Variants in KIAA1549L observed in about 807,000 individuals in gnomAD.
The protein encoded by KIAA1549L is UPF0606 protein KIAA1549L.
KIAA1549L carries 88 observed loss-of-function variants against 160.7 expected under a neutral mutation model. That is an observed-to-expected ratio of 0.55 (90% CI 0.46 to 0.65). The LOEUF (loss-of-function observed/expected upper bound fraction) is 0.65. KIAA1549L is among the 30% of genes least tolerant of loss of function. The pLI is 0.00. For synonymous variants in KIAA1549L, 950 were observed against 976.7 expected (o/e 0.97, Z 0.51); for missense variants, 2,258 against 2,437.5 (o/e 0.93, Z 1.55).
At chr11:33,436,725 A>C (rs1851388495) in intron 1 of KIAA1549L, among the ~76,000 whole-genome samples, 1 of 152,242 alleles carries the variant, frequency 6.6e-6, no homozygotes, top group Non-Finnish European at 1.5e-5. Flanking sequence ...TGGAGGCTGA[A>C]CCCAAGCAAG....
chr11:33,457,221 A>G (rs1345564246), intron 1 of KIAA1549L, among the ~76,000 whole-genome samples: 1 of 152,158 alleles, frequency 6.6e-6, no homozygotes, highest in Non-Finnish European at 1.5e-5. Context: ...CTCTGCAGAA[A>G]TGTCTTGGAC....
chr11:33,527,942 G>C (rs1273570465), intron 1 of KIAA1549L, among the ~76,000 whole-genome samples: 1 of 152,078 alleles, frequency 6.6e-6, no homozygotes, highest in Non-Finnish European at 1.5e-5. Context: ...TTGAATCATG[G>C]GGGCGAGCCT....
At chr11:33,435,476 G>A (rs939468438) in intron 1 of KIAA1549L, among the ~76,000 whole-genome samples, 3 of 151,876 alleles carry the variant, frequency 2.0e-5, no homozygotes, top group Admixed American at 6.6e-5. Context: ...AATCACACAT[G>A]TATTATAGTA....
chr11:33,457,751 T>C (rs1476668623), intron 1 of KIAA1549L, among the ~76,000 whole-genome samples: 2 of 152,182 alleles, frequency 1.3e-5, no homozygotes, highest in African/African-American at 4.8e-5. Context: ...TGGTGATGTC[T>C]TCTGACCTAG....
At position 33,674,033 on chromosome 11, in the gene KIAA1549L, A is replaced by G. The variant is rs2133481815; in HGVS notation, c.*5879A>G. ...TGTACGTCCTTAGCCTCTGCCGGGA[A>G]CAGAGTGTTCATATGCTGTTAGAAT... On this transcript the variant is annotated 3_prime_UTR_variant, in exon 21 of 21. Coordinates refer to ENST00000658780, the MANE Select transcript of KIAA1549L (RefSeq NM_012194.3). 1 of 152,348 alleles carries G rather than the reference A, an allele frequency of 6.6e-6. No homozygotes were observed. Among genetic ancestry groups the G allele is most frequent in the Non-Finnish European group, 1.5e-5 (1 of 68,034 alleles). 9.4% of individuals were successfully genotyped at this position (152,348 alleles called of 1,614,324 possible).
chr11:33,468,345 T>C (rs1395651638), intron 1 of KIAA1549L, among the ~76,000 whole-genome samples: 1 of 152,132 alleles, frequency 6.6e-6, no homozygotes, highest in Non-Finnish European at 1.5e-5. Flanking sequence ...TCTCTAAGGG[T>C]GTCACAAAGT....
chr11:33,537,630 C>T (rs1317625018), intron 1 of KIAA1549L, among the ~76,000 whole-genome samples: 2 of 152,122 alleles, frequency 1.3e-5, no homozygotes, highest in Non-Finnish European at 2.9e-5. Context: ...CTCTTTATAC[C>T]TTCTTCCCAC....
intron 10 of KIAA1549L, 146 bp downstream of exon 10, chr11:33,575,019 C>T: frequency 1.4e-6 from 1 of 711,204 alleles, no homozygotes; most frequent in African/African-American, 1.8e-5. Flanking sequence ...AGCTATGTTT[C>T]TGTGTTGTTT....
At chr11:33,516,405 C>T (rs1853344835) in intron 1 of KIAA1549L, among the ~76,000 whole-genome samples, 1 of 15,368 alleles carries the variant, frequency 6.5e-5, no homozygotes, top group South Asian at 1.4e-3. Context: ...CCCGCCTCGG[C>T]CTCCCAAAGT....
intron 1 of KIAA1549L, among the ~76,000 whole-genome samples, chr11:33,518,362 G>A (rs768530261): frequency 2.6e-5 from 4 of 152,090 alleles, no homozygotes; most frequent in African/African-American, 4.8e-5. Flanking sequence ...GGAGCATGTC[G>A]GGGAATTGCA....
chr11:33,387,517 T>C (rs1215991812), intron 1 of KIAA1549L, among the ~76,000 whole-genome samples: 2 of 152,064 alleles, frequency 1.3e-5, no homozygotes, highest in Admixed American at 1.3e-4. Flanking sequence ...TGTTGGCCAG[T>C]CTGGTCTCGA....
intron 8 of KIAA1549L, among the ~76,000 whole-genome samples, chr11:33,567,596 G>A (rs979899445): frequency 1.2e-4 from 19 of 152,190 alleles, no homozygotes; most frequent in Non-Finnish European, 2.5e-4. Context: ...CTCAAGCTGG[G>A]ACAAGGCAAA....
chr11:33,583,032 C>T (rs1421601968), intron 10 of KIAA1549L, among the ~76,000 whole-genome samples: 1 of 152,184 alleles, frequency 6.6e-6, no homozygotes, highest in Non-Finnish European at 1.5e-5. Flanking sequence ...ACTGATCCAT[C>T]TTTTTCTCCT....
At chr11:33,664,910 G>A (rs1852389058) in intron 20 of KIAA1549L, among the ~76,000 whole-genome samples, 1 of 152,222 alleles carries the variant, frequency 6.6e-6, no homozygotes, top group Non-Finnish European at 1.5e-5. Flanking sequence ...GGAACAGGCT[G>A]TATTTCTCAG....
chr11:33,559,570 C>T (rs1198648515), intron 6 of KIAA1549L, among the ~76,000 whole-genome samples, 179 bp from the exon 7 acceptor site: 1 of 152,180 alleles, frequency 6.6e-6, no homozygotes, highest in African/African-American at 2.4e-5. Context: ...CCCTGCCTGG[C>T]ACACAGCAAG....
intron 16 of KIAA1549L, among the ~76,000 whole-genome samples, chr11:33,641,614 A>G (rs761448981): frequency 0.019 from 917 of 49,044 alleles, 51 homozygotes; most frequent in African/African-American, 0.087. Flanking sequence ...ATATATATAT[A>G]TATATATATA....
intron 1 of KIAA1549L, among the ~76,000 whole-genome samples, chr11:33,485,288 G>C (rs934362674): frequency 6.6e-5 from 10 of 152,094 alleles, no homozygotes; most frequent in African/African-American, 2.4e-4. Flanking sequence ...ATTGGGGGGA[G>C]GTTGATTTCT....
At chr11:33,398,879 A>T (rs547951578) in intron 1 of KIAA1549L, among the ~76,000 whole-genome samples, 82 of 151,928 alleles carry the variant, frequency 5.4e-4, no homozygotes, top group Non-Finnish European at 1.1e-3. Flanking sequence ...AGTTAAAAAG[A>T]CTTAATAATC....
intron 14 of KIAA1549L, among the ~76,000 whole-genome samples, chr11:33,608,689 C>T (rs914318388): frequency 1.3e-5 from 2 of 152,244 alleles, no homozygotes; most frequent in Non-Finnish European, 2.9e-5. Flanking sequence ...CCTCCCAGGC[C>T]CATCACCTTG....
Sources: gnomAD v4.1 joint callset for allele counts (sites outside exome capture counted in the v4.1 genomes callset) on GRCh38, gnomAD v4.1.1 for gene constraint, MANE v1.5 for transcripts, NCBI Gene and HGNC (gene_info 2026-07-23, HGNC 2026-07-21) for gene names.